Variants in PLD2 observed in about 807,000 individuals in gnomAD.
PLD2 encodes phospholipase D2.
PLD2 carries 101 observed loss-of-function variants against 119.8 expected under a neutral mutation model. The ratio of observed to expected loss-of-function variants is 0.84; its 90% CI spans 0.72 to 0.99. The LOEUF is 0.99. PLD2 is among the 50% of genes least tolerant of loss of function. The pLI, the probability that PLD2 is intolerant of heterozygous loss-of-function variation, is 0.00. For missense variants in PLD2, 1,164 were observed against 1,226.8 expected (o/e 0.95, Z 0.76); for synonymous variants, 494 against 482.8 (o/e 1.02, Z -0.30).
Position 4,807,671 on chromosome 17 carries a change from G to A in PLD2, c.-1-101G>A, listed in dbSNP as rs1597317948. The A allele has an allele frequency of 1.4e-6, 1 of 701,522 alleles. No homozygotes were observed. The highest frequency in any genetic ancestry group is 2.5e-6 in the Non-Finnish European group (1 of 405,622). 43.5% of individuals were successfully genotyped at this position (701,522 alleles called of 1,614,324 possible). A position where few individuals can be genotyped will look rare whatever the true frequency, so the allele number is the denominator to read the frequency against. ...CGCGGGCGGTCAGGAGGCCGTGGGG[G>A]AAGAGGAGGATCTGGAAGAGATGGA... On this transcript the variant is annotated intron_variant, in intron 1 of 24. Coordinates refer to ENST00000263088, the MANE Select transcript of PLD2 (RefSeq NM_002663.5). This position sits in a 1 kb window ranked among gnomAD's most constrained non-coding sequence, Gnocchi z 5.4.
At position 4,808,077 on chromosome 17, in the gene PLD2, AG is replaced by A; in HGVS notation, c.205del (p.Val69TrpfsTer23). On this transcript the variant is annotated frameshift_variant, in exon 3 of 25. Transcript: ENST00000263088. LOFTEE classifies it high-confidence loss of function. This position sits in a 1 kb window ranked among gnomAD's most constrained non-coding sequence, Gnocchi z 4.1. ...VFAPGVPVTAQVVGTERYTSG... is the reference protein window; with the variant it reads ...VFAPGVPVTAXVVGTERYTSG... The stretch of plus-strand genomic sequence containing the variant: ...GCACCTGGGGTCCCTGTCACAGCCC[AG>A]GTGGTGGGCACCGAAAGATATACCA... 1 of 1,612,192 alleles carries A rather than the reference AG, an allele frequency of 6.2e-7. No homozygotes were observed. Among genetic ancestry groups the A allele is most frequent in the Non-Finnish European group, 8.5e-7 (1 of 1,178,460 alleles).
chr17:4,816,955 C>T lies in PLD2; in HGVS notation c.1601C>T (p.Thr534Met), dbSNP rs375708016. 4.5e-5 allele frequency: 72 copies of T among 1,613,094 alleles called. No individual in the cohort carries two copies. The highest frequency in any genetic ancestry group is 3.8e-4 in the Admixed American group (23 of 59,956). The change falls in exon 16 of 25, where the codon ACG becomes ATG. Residue 534 changes from threonine (T) to methionine (M), a missense_variant. Coordinates refer to ENST00000263088, the MANE Select transcript of PLD2 (RefSeq NM_002663.5). ...CCCCCAGATTTCATTGACAGGGAGACGACCCCTCGGATGCCATGGCGGGAC... is the reference window on the plus strand; with the variant it reads ...CCCCCAGATTTCATTGACAGGGAGATGACCCCTCGGATGCCATGGCGGGAC... Reference protein sequence around the residue: ...RPFEDFIDRETTPRMPWRDVG... With the variant: ...RPFEDFIDREMTPRMPWRDVG...
In PLD2 at chr17:4,808,519, C is replaced by T. The variant is rs1263062344; in HGVS notation, c.383+103C>T. On this transcript the variant is annotated intron_variant, in intron 4 of 24. Coordinates refer to ENST00000263088, the MANE Select transcript of PLD2 (RefSeq NM_002663.5). This position sits in a 1 kb window ranked among gnomAD's most constrained non-coding sequence, Gnocchi z 4.1. ...CAACCTTTCCTCCCTGCAACTCTGG[C>T]CACTGTGCTGCCTCCCCTGACCCCA... 3 of 1,140,918 alleles carry T rather than the reference C, an allele frequency of 2.6e-6. No individual in the cohort carries two copies. Among genetic ancestry groups the T allele is most frequent in the East Asian group, 4.7e-5 (2 of 42,454 alleles). 70.7% of individuals were successfully genotyped at this position (1,140,918 alleles called of 1,614,324 possible).
Position 4,808,596 on chromosome 17 carries a change from A to G in PLD2, c.383+180A>G. On this transcript the variant is annotated intron_variant, in intron 4 of 24. Coordinates refer to ENST00000263088, the MANE Select transcript of PLD2 (RefSeq NM_002663.5). This position sits in a 1 kb window ranked among gnomAD's most constrained non-coding sequence, Gnocchi z 4.1. Reference sequence around the variant, plus strand: ...CTTTCCCTGTCCATGGTTCTGTGCCAGCATCTCAGCTGGGCGGGATGCCCA... The same window carrying G: ...CTTTCCCTGTCCATGGTTCTGTGCCGGCATCTCAGCTGGGCGGGATGCCCA... 1 of 637,432 alleles carries G rather than the reference A, an allele frequency of 1.6e-6. No individual in the cohort carries two copies. The highest frequency in any genetic ancestry group is 2.9e-5 in the Admixed American group (1 of 34,692). The allele number at this position is 637,432 out of a possible 1,614,324, so 39.5% of individuals were successfully genotyped here.
In PLD2 at chr17:4,809,423, G is replaced by T; in HGVS notation, c.555+60G>T. 4 of 1,612,912 alleles carry T rather than the reference G, an allele frequency of 2.5e-6. No individual in the cohort carries two copies. In the East Asian group the frequency reaches 6.7e-5, roughly 27 times the overall value. ...GGATTATCAGACCCTCGGGGAGGAG[G>T]GCCAGGGGCCCCAGGGTCTGAGGGG... On this transcript the variant is annotated intron_variant, in intron 6 of 24. Transcript: ENST00000263088.
In PLD2 at chr17:4,819,187, G is replaced by A. The variant is rs1231624681; in HGVS notation, c.2277G>A (p.Val759=). 1 of 1,614,162 alleles carries A rather than the reference G, an allele frequency of 6.2e-7. No homozygotes were observed. Among genetic ancestry groups the A allele is most frequent in the South Asian group, 1.1e-5 (1 of 91,084 alleles). ...VSELIYIHSK[V]LIADDRTVII... is the part of the protein sequence containing the mutation. ...AGCTCATCTACATCCACAGCAAGGT[G>A]CTCATCGCAGATGACCGGACAGTCA... is the stretch of plus-strand genomic sequence containing the variant. The change falls in exon 22 of 25, where the codon GTG becomes GTA. Residue 759 remains valine, a synonymous_variant. Transcript: ENST00000263088. This position sits in a 1 kb window ranked among gnomAD's most constrained non-coding sequence, Gnocchi z 4.2.
At position 4,808,210 on chromosome 17, in the gene PLD2, C is replaced by T; in HGVS notation, c.241-64C>T. On this transcript the variant is annotated intron_variant, in intron 3 of 24. Transcript: ENST00000263088. The surrounding 1 kb of genome is among the most constrained non-coding windows in gnomAD (Gnocchi z 4.1). ...CCCCAGGGAAGGGGCAAAAGGAGGG[C>T]TGGCCAGAGTGGGGAGGCGGGGACC... 1 of 1,594,982 alleles carries T rather than the reference C, an allele frequency of 6.3e-7. No individual in the cohort carries two copies. The highest frequency in any genetic ancestry group is 1.1e-5 in the South Asian group (1 of 89,022).
chr17:4,810,056 C>T, intron 9 of PLD2, 27 bp downstream of exon 9: 1 of 1,609,758 alleles, frequency 6.2e-7, no homozygotes, highest in Non-Finnish European at 8.5e-7. Flanking sequence ...GTGAGAGACA[C>T]CAGCTGAGTG....
intron 24 of PLD2, 51 bp from the exon 25 acceptor site, chr17:4,822,589 T>G (rs1907790570): frequency 7.6e-7 from 1 of 1,310,134 alleles, no homozygotes; most frequent in African/African-American, 1.4e-5. Flanking sequence ...GGACTTAGAT[T>G]GTTGGGAGAG....
Position 4,819,625 on chromosome 17 carries a change from G to A in PLD2, c.2462+43G>A, listed in dbSNP as rs368754267. Reference sequence around the variant, plus strand: ...TGCCACAGGGTGGGAGGGAGATGGGGGCGTCTGCCTTTTGAGCAGGACAAG... The same window carrying A: ...TGCCACAGGGTGGGAGGGAGATGGGAGCGTCTGCCTTTTGAGCAGGACAAG... On this transcript the variant is annotated intron_variant, in intron 23 of 24. Coordinates refer to ENST00000263088, the MANE Select transcript of PLD2 (RefSeq NM_002663.5). This position sits in a 1 kb window ranked among gnomAD's most constrained non-coding sequence, Gnocchi z 4.2. 1.9e-5 allele frequency: 30 copies of A among 1,561,684 alleles called. 1 individual carries two copies. The Middle Eastern group carries it at 6.8e-4, about 36-fold the overall frequency.
chr17:4,816,835 A>G (rs985502018), intron 15 of PLD2, 89 bp downstream of exon 15: 3 of 1,597,434 alleles, frequency 1.9e-6, no homozygotes, highest in Non-Finnish European at 2.6e-6. Context: ...AGAGGGGTCA[A>G]CGGTGGTACA....
Position 4,822,844 on chromosome 17 carries a change from C to T in PLD2, c.2782C>T (p.Pro928Ser). 1.9e-6 allele frequency: 3 copies of T among 1,605,758 alleles called. No homozygotes were observed. The highest frequency in any genetic ancestry group is 2.6e-6 in the Non-Finnish European group (3 of 1,173,008). The change falls in exon 25 of 25, where the codon CCC (proline) becomes TCC (serine). Residue 928 changes from proline (P) to serine (S), a missense_variant. Pro to Ser is a moderately conservative substitution (Grantham distance 74, BLOSUM62 -1). Transcript: ENST00000263088. ...PPLGSKEGMI[P>S]LEVWT ...GCTGGGTAGCAAGGAGGGCATGATC[C>T]CCCTAGAAGTGTGGACATAGTTGAG... is the stretch of plus-strand genomic sequence containing the variant.
rs199719599 is a variant in PLD2 at position 4,817,208 on chromosome 17, G to T, written c.1764G>T (p.Thr588=). The T allele has an allele frequency of 1.9e-6, 3 of 1,613,998 alleles. No individual in the cohort carries two copies. Among genetic ancestry groups the T allele is most frequent in the East Asian group, 4.5e-5 (2 of 44,884 alleles). ...ACCTGCTTCCCAAGTCTACCAGCAC[G>T]GCCAATCAGCTCCCCTTCACACTTC... ...YPYLLPKSTS[T]ANQLPFTLPG... Residue 588 remains threonine, a synonymous_variant, in exon 17 of 25, where the codon ACG becomes ACT. Coordinates refer to ENST00000263088, the MANE Select transcript of PLD2 (RefSeq NM_002663.5).
chr17:4,814,600 C>T (rs1023862752), intron 11 of PLD2, 33 bp from the exon 12 acceptor site: 16 of 1,612,984 alleles, frequency 9.9e-6, no homozygotes, highest in African/African-American at 4.0e-5. Context: ...TCTGGGGCTT[C>T]GTTTGCCCCT....
In PLD2 at chr17:4,817,242, C is replaced by T; in HGVS notation, c.1798C>T (p.Gln600Ter). The part of the protein sequence containing the change: ...NQLPFTLPGG[Q>*]CTTVQVLRSV... ...GCTCCCCTTCACACTTCCAGGAGGG[C>T]AGTGCACCACCGTACAGGTGAGGCC... The change falls in exon 17 of 25, where the codon CAG (glutamine) becomes TAG (stop). Residue 600 changes from glutamine to a stop codon, truncating the protein, a stop_gained. Coordinates refer to ENST00000263088, the MANE Select transcript of PLD2 (RefSeq NM_002663.5). LOFTEE classifies it high-confidence loss of function. 6.2e-7 allele frequency: 1 copy of T among 1,610,576 alleles called. No homozygotes were observed. Among genetic ancestry groups the T allele is most frequent in the Non-Finnish European group, 8.5e-7 (1 of 1,176,770 alleles).
Position 4,810,790 on chromosome 17 carries a change from G to T in PLD2, c.861-12G>T. 6.2e-7 allele frequency: 1 copy of T among 1,606,060 alleles called. No individual in the cohort carries two copies. The highest frequency in any genetic ancestry group is 8.5e-7 in the Non-Finnish European group (1 of 1,175,460). The stretch of plus-strand genomic sequence containing the variant: ...GGCGAGGATTTATGGACATCTCATC[G>T]TTCCCATCCAGGTCCTTGATTCTCA... On this transcript the variant is annotated splice_polypyrimidine_tract_variant and intron_variant, in intron 9 of 24. Coordinates refer to ENST00000263088, the MANE Select transcript of PLD2 (RefSeq NM_002663.5).
At chr17:4,816,543 G>T in intron 14 of PLD2, 77 bp from the exon 15 acceptor site, 1 of 1,434,438 alleles carries the variant, frequency 7.0e-7, no homozygotes, top group Admixed American at 1.7e-5. Context: ...CTCTTTCAGT[G>T]CTCCTCTCTT....
At chr17:4,812,527 T>G (rs1471409745) in intron 10 of PLD2, among the ~76,000 whole-genome samples, 1 of 151,642 alleles carries the variant, frequency 6.6e-6, no homozygotes, top group African/African-American at 2.4e-5. Context: ...TCTCCTGACT[T>G]CGTGATCTGC....
Position 4,821,874 on chromosome 17 carries a change from C to G in PLD2, c.2544C>G (p.Asp848Glu). ...ICDDFFQLWQDMAESNANIYE... is the reference protein window; with the variant it reads ...ICDDFFQLWQEMAESNANIYE... ...ATGACTTCTTCCAGTTGTGGCAAGA[C>G]ATGGCTGAGAGCAACGCCAATATCT... Residue 848 changes from aspartate to glutamate, a missense_variant, in exon 24 of 25, where the codon GAC (aspartate) becomes GAG (glutamate). Transcript: ENST00000263088. 1 of 1,613,796 alleles carries G rather than the reference C, an allele frequency of 6.2e-7. No homozygotes were observed.
Sources: gnomAD v4.1 joint callset for allele counts (sites outside exome capture counted in the v4.1 genomes callset) on GRCh38, gnomAD v4.1.1 for gene constraint, Gnocchi (gnomAD v3.1) non-coding constraint, MANE v1.5 for transcripts, NCBI Gene and HGNC (gene_info 2026-07-23, HGNC 2026-07-21) for gene names.